The following EFCAB6 variants were observed in gnomAD, a reference collection of about 807,000 sequenced individuals.
EFCAB6 encodes the protein EF-hand calcium binding domain 6.
A neutral mutation model predicts 169.8 loss-of-function variants in EFCAB6; 156 were observed. The observed-to-expected ratio is 0.92, with a 90% CI of 0.81 to 1.05. The LOEUF is 1.05. Ranked by LOEUF, EFCAB6 falls within the 50% of genes least tolerant of loss-of-function variation. The pLI is 0.00. For missense variants in EFCAB6, 1,800 were observed against 1,829.1 expected, an observed-to-expected ratio of 0.98 and a Z score of 0.29; for synonymous variants, 698 against 676.4, an observed-to-expected ratio of 1.03 and a Z score of -0.50.
intron 22 of EFCAB6, among the ~76,000 whole-genome samples, chr22:43,605,517 C>G (rs1407842177): frequency 6.6e-6 from 1 of 152,130 alleles, no homozygotes; most frequent in Non-Finnish European, 1.5e-5. Flanking sequence ...GTGGTGCGTG[C>G]CTGTAATCCC....
intron 2 of EFCAB6, among the ~76,000 whole-genome samples, chr22:43,787,385 A>G (rs1030987033): frequency 6.8e-6 from 1 of 146,062 alleles, no homozygotes; most frequent in African/African-American, 2.5e-5. Context: ...CACACACACA[A>G]TTAGAACTAA....
intron 17 of EFCAB6, 82 bp downstream of exon 17, chr22:43,667,022 C>A: frequency 6.7e-7 from 1 of 1,482,700 alleles, no homozygotes; most frequent in South Asian, 1.4e-5. Flanking sequence ...CTGGGATAAG[C>A]CATTGTCCTT....
chr22:43,538,682 C>T (rs1458819587), intron 28 of EFCAB6, among the ~76,000 whole-genome samples: 3 of 152,160 alleles, frequency 2.0e-5, no homozygotes, highest in South Asian at 2.1e-4. Flanking sequence ...CCACTGCACC[C>T]GGCTCCAGAG....
At position 43,537,177 on chromosome 22, in the gene EFCAB6, T is replaced by G; in HGVS notation, c.4048+200A>C. On this transcript the variant is annotated intron_variant, in intron 29 of 31. Transcript: ENST00000262726. This position sits in a 1 kb window ranked among gnomAD's most constrained non-coding sequence, Gnocchi z 4.3. ...TTTACCATGCAGATGGGCCCCCTGCTGGGAGGGCCGGGTAGTCGGAATCCT... is the reference window on the plus strand; with the variant it reads ...TTTACCATGCAGATGGGCCCCCTGCGGGGAGGGCCGGGTAGTCGGAATCCT... 1 of 576,898 alleles carries G rather than the reference T, an allele frequency of 1.7e-6. No individual in the cohort carries two copies. Among genetic ancestry groups the G allele is most frequent in the East Asian group, 2.9e-5 (1 of 34,390 alleles). The allele number at this position is 576,898 out of a possible 1,614,324, so 35.7% of individuals were successfully genotyped here. A position where few individuals can be genotyped will look rare whatever the true frequency, so the allele number is the denominator to read the frequency against.
At chr22:43,608,354 G>T in intron 22 of EFCAB6, 128 bp downstream of exon 22, 4 of 754,374 alleles carry the variant, frequency 5.3e-6, no homozygotes, top group Non-Finnish European at 6.6e-6. Flanking sequence ...AGATGAGACA[G>T]ATGCAACCAA....
intron 10 of EFCAB6, among the ~76,000 whole-genome samples, chr22:43,696,355 G>T (rs867365645): frequency 6.6e-6 from 1 of 152,116 alleles, no homozygotes; most frequent in African/African-American, 2.4e-5. Flanking sequence ...TGGTGGAATT[G>T]CAAGATGGTA....
intron 22 of EFCAB6, among the ~76,000 whole-genome samples, chr22:43,607,789 G>A (rs550872719): frequency 7.2e-5 from 11 of 152,262 alleles, no homozygotes; most frequent in African/African-American, 2.2e-4. Context: ...AGGTGACTAC[G>A]GACATATAAT....
intron 2 of EFCAB6, chr22:43,802,691 G>A: frequency 3.9e-6 from 2 of 506,684 alleles, no homozygotes; most frequent in Non-Finnish European, 7.8e-6. Flanking sequence ...AGCTGATATT[G>A]GCAAGGAGGA....
intron 8 of EFCAB6, among the ~76,000 whole-genome samples, chr22:43,719,555 G>C (rs2059449702): frequency 6.6e-6 from 1 of 152,142 alleles, no homozygotes; most frequent in African/African-American, 2.4e-5. Context: ...GCAAATATAT[G>C]AACTAGCGAC....
At chr22:43,799,292 T>C (rs2062619338) in intron 2 of EFCAB6, among the ~76,000 whole-genome samples, 1 of 151,530 alleles carries the variant, frequency 6.6e-6, no homozygotes, top group African/African-American at 2.4e-5. Flanking sequence ...ATCACACTGC[T>C]GCACTCCAGC....
chr22:43,689,162 C>A (rs1333183544), intron 10 of EFCAB6, among the ~76,000 whole-genome samples: 1 of 151,722 alleles, frequency 6.6e-6, no homozygotes, highest in Non-Finnish European at 1.5e-5. Context: ...AGAAACCTTG[C>A]AGGTGAGAGA....
chr22:43,741,457 C>T (rs1286571988), intron 6 of EFCAB6, among the ~76,000 whole-genome samples: 1 of 152,216 alleles, frequency 6.6e-6, no homozygotes, highest in Admixed American at 6.5e-5. Flanking sequence ...AGGCCTTCCT[C>T]ACTCGCTTAC....
chr22:43,667,747 G>A (rs541256510), intron 16 of EFCAB6, among the ~76,000 whole-genome samples: 1 of 152,182 alleles, frequency 6.6e-6, no homozygotes, highest in East Asian at 1.9e-4. Flanking sequence ...GAAATGAAGG[G>A]AAGTCCACAG....
rs1250275494 is a variant in EFCAB6, at chr22:43,608,405, A to G, written c.2681+77T>C. The G allele has an allele frequency of 3.1e-6, 4 of 1,286,766 alleles. No homozygotes were observed. In the African/African-American group the frequency reaches 4.4e-5, roughly 14 times the overall value. The allele number at this position is 1,286,766 out of a possible 1,614,324, so 79.7% of individuals were successfully genotyped here. On this transcript the variant is annotated intron_variant, in intron 22 of 31. Transcript: ENST00000262726. ...GCCCCCAGTTACCCTGATGTAGGAA[A>G]GATTAGGCTGAATTTGCCACAGCAA...
At chr22:43,644,924 T>C (rs1250642226) in intron 17 of EFCAB6, among the ~76,000 whole-genome samples, 1 of 152,184 alleles carries the variant, frequency 6.6e-6, no homozygotes. Context: ...ATTTAAAGAG[T>C]GTTCCACATA....
chr22:43,763,237 C>T (rs1434162089), intron 5 of EFCAB6, among the ~76,000 whole-genome samples: 2 of 151,968 alleles, frequency 1.3e-5, no homozygotes, highest in Admixed American at 6.6e-5. Flanking sequence ...TGGGGTTTTG[C>T]TACGTTGGCT....
chr22:43,660,013 G>A (rs554703681), intron 17 of EFCAB6, among the ~76,000 whole-genome samples: 1 of 152,330 alleles, frequency 6.6e-6, no homozygotes, highest in South Asian at 2.1e-4. Flanking sequence ...GAGCTCTGCA[G>A]CTCTGCGTCT....
At chr22:43,678,415 T>C (rs1020224105) in intron 12 of EFCAB6, among the ~76,000 whole-genome samples, 1 of 151,276 alleles carries the variant, frequency 6.6e-6, no homozygotes, top group African/African-American at 2.4e-5. Flanking sequence ...ATGTTCTCTA[T>C]CAGGACATGG....
In EFCAB6 at chr22:43,687,464, T is replaced by TTAAAAA; in HGVS notation, c.1142+6_1142+7insTTTTTA. 5 of 1,422,182 alleles carry TTAAAAA rather than the reference T, an allele frequency of 3.5e-6. No individual in the cohort carries two copies. The highest frequency in any genetic ancestry group is 4.8e-6 in the Non-Finnish European group (5 of 1,046,296). The allele number at this position is 1,422,182 out of a possible 1,614,324, so 88.1% of individuals were successfully genotyped here. On this transcript the variant is annotated splice_region_variant and intron_variant, in intron 11 of 31. Transcript: ENST00000262726. ...TAAAATTTGTTTTTTTTTTTTTTTTTACATACCTATTTCTTTTTGTCAGGG... is the reference window on the plus strand; with the variant it reads ...TAAAATTTGTTTTTTTTTTTTTTTTTTAAAAAACATACCTATTTCTTTTTGTCAGGG...
Sources: gnomAD v4.1 joint callset for allele counts (sites outside exome capture counted in the v4.1 genomes callset) on GRCh38, gnomAD v4.1.1 for gene constraint, Gnocchi (gnomAD v3.1) non-coding constraint, MANE v1.5 for transcripts, NCBI Gene and HGNC (gene_info 2026-07-23, HGNC 2026-07-21) for gene names.